The following SIAH1 variants were observed in gnomAD, a reference collection of about 807,000 sequenced individuals.
SIAH1 encodes the protein E3 ubiquitin-protein ligase SIAH1.
A neutral mutation model predicts 20.0 loss-of-function variants in SIAH1; 2 were observed. The ratio of observed to expected loss-of-function variants is 0.10; its 90% CI spans 0.04 to 0.31. SIAH1 has a LOEUF of 0.31. Among genes scored for constraint, SIAH1 ranks in the 10% least tolerant of loss-of-function variants. The pLI is 1.00. For synonymous variants in SIAH1, 118 were observed against 125.3 expected, an observed-to-expected ratio of 0.94 and a Z score of 0.39; for missense variants, 119 against 355.3, an observed-to-expected ratio of 0.33 and a Z score of 5.35.
chr16:48,377,766 A>C (rs1961151387), intron 1 of SIAH1, among the ~76,000 whole-genome samples: 1 of 152,056 alleles, frequency 6.6e-6, no homozygotes, highest in Non-Finnish European at 1.5e-5. Flanking sequence ...ATGGTCAGGG[A>C]AAAGAATAAG....
At chr16:48,378,703 C>T (rs567041988) in intron 1 of SIAH1, among the ~76,000 whole-genome samples, 1 of 152,312 alleles carries the variant, frequency 6.6e-6, no homozygotes, top group African/African-American at 2.4e-5. Flanking sequence ...TAACACTTCA[C>T]AGCATCTCTC....
chr16:48,379,387 C>T (rs1424025651), intron 1 of SIAH1, among the ~76,000 whole-genome samples: 1 of 152,110 alleles, frequency 6.6e-6, no homozygotes, highest in Non-Finnish European at 1.5e-5. Flanking sequence ...ACCAAAGGCA[C>T]AGAGATGCTA....
chr16:48,382,296 G>C (rs1310846936), intron 1 of SIAH1, among the ~76,000 whole-genome samples: 2 of 152,038 alleles, frequency 1.3e-5, no homozygotes, highest in African/African-American at 4.8e-5. Context: ...CTAAGGTGGG[G>C]GGAACCTTTG....
At chr16:48,370,513 A>T (rs1253472809) in intron 1 of SIAH1, among the ~76,000 whole-genome samples, 1 of 151,914 alleles carries the variant, frequency 6.6e-6, no homozygotes, top group Non-Finnish European at 1.5e-5. Flanking sequence ...ATTTATCCCC[A>T]CCTTACTTAA....
upstream of SIAH1, chr16:48,387,223 C>T (rs564215483): frequency 3.9e-5 from 6 of 152,206 alleles, no homozygotes; most frequent in Non-Finnish European, 7.3e-5. Context: ...TTTGTGCCTG[C>T]TCTCCTCTAG....
intron 1 of SIAH1, chr16:48,363,421 G>A (rs1960688480): frequency 6.0e-6 from 1 of 167,044 alleles, no homozygotes; most frequent in East Asian, 1.9e-4. Flanking sequence ...TAGTGAAGGT[G>A]GCGAAAATAT....
At chr16:48,363,823 T>A (rs1960713207) in intron 1 of SIAH1, 2 of 166,832 alleles carry the variant, frequency 1.2e-5, no homozygotes, top group African/African-American at 2.4e-5. Flanking sequence ...ACAAGCAACT[T>A]TTCCCAGGAA....
At chr16:48,372,576 A>G (rs1279442496) in intron 1 of SIAH1, among the ~76,000 whole-genome samples, 1 of 152,176 alleles carries the variant, frequency 6.6e-6, no homozygotes, top group Non-Finnish European at 1.5e-5. Context: ...AGTTGGTCCT[A>G]TTTTCTCTAC....
intron 1 of SIAH1, among the ~76,000 whole-genome samples, chr16:48,375,551 T>C (rs1007764095): frequency 6.6e-6 from 1 of 152,040 alleles, no homozygotes; most frequent in Non-Finnish European, 1.5e-5. Context: ...GGCAAGAGAA[T>C]TGCTTGAACG....
At chr16:48,365,758 C>T in intron 1 of SIAH1, 1 of 1,349,010 alleles carries the variant, frequency 7.4e-7, no homozygotes, top group Non-Finnish European at 9.5e-7. Context: ...TTTCGTCTGT[C>T]TCCCAAGTTT....
chr16:48,373,297 CCA>C (rs1208708316), intron 1 of SIAH1, among the ~76,000 whole-genome samples: 2 of 152,156 alleles, frequency 1.3e-5, no homozygotes, highest in African/African-American at 4.8e-5. Context: ...GTCTGAAACC[CCA>C]GATTTGTAAA....
chr16:48,377,695 C>T (rs1373159622), intron 1 of SIAH1, among the ~76,000 whole-genome samples: 2 of 151,970 alleles, frequency 1.3e-5, no homozygotes, highest in Non-Finnish European at 2.9e-5. Flanking sequence ...CACGCTGAGC[C>T]TCCTGAAGAT....
chr16:48,379,349 G>C (rs1755947799), intron 1 of SIAH1, among the ~76,000 whole-genome samples: 1 of 152,172 alleles, frequency 6.6e-6, no homozygotes, highest in Admixed American at 6.5e-5. Flanking sequence ...AGCACAAATA[G>C]ACATTTCAGA....
In SIAH1 at chr16:48,361,558, C is replaced by A. The variant is rs373081174; in HGVS notation, c.*22G>T. On this transcript the variant is annotated 3_prime_UTR_variant, in exon 2 of 2. Coordinates refer to ENST00000394725, the MANE Select transcript of SIAH1 (RefSeq NM_003031.4). ...TGAAACTGAAGTTTTAAACACTGGC[C>A]AGAAAATGTTTGATTGCCATTTCAA... 97 of 1,606,858 alleles carry A rather than the reference C, an allele frequency of 6.0e-5. No individual in the cohort carries two copies. Among genetic ancestry groups the A allele is most frequent in the Non-Finnish European group, 8.2e-5 (96 of 1,177,108 alleles).
Position 48,362,694 on chromosome 16 carries a change from A to C in SIAH1, c.-2-264T>G. On this transcript the variant is annotated intron_variant, in intron 1 of 1. Transcript: ENST00000394725. The surrounding 1 kb of genome is among the most constrained non-coding windows in gnomAD (Gnocchi z 4.2). ...AACTCCCTTAATCGTCTTTGGATAG[A>C]CTACATAGAATAATAAATGCTAAAA... 2.7e-6 allele frequency: 1 copy of C among 369,322 alleles called. No individual in the cohort carries two copies. Among genetic ancestry groups the C allele is most frequent in the Non-Finnish European group, 5.2e-6 (1 of 193,830 alleles). The allele number at this position is 369,322 out of a possible 1,614,324, so 22.9% of individuals were successfully genotyped here.
upstream of SIAH1, among the ~76,000 whole-genome samples, chr16:48,386,641 C>T (rs1206118555): frequency 6.6e-6 from 1 of 152,226 alleles, no homozygotes; most frequent in Non-Finnish European, 1.5e-5. Context: ...TGCAATTTTA[C>T]TTTCACATTT....
At position 48,362,322 on chromosome 16, in the gene SIAH1, G is replaced by A; in HGVS notation, c.107C>T (p.Ala36Val). ...TGTTASNNDL[A>V]SLFECPVCFD... ...GCAGACTGGACACTCAAAAAGACTC[G>A]CCAAGTCATTGTTGGATGCAGTTGT... is the stretch of plus-strand genomic sequence containing the variant. Residue 36 changes from alanine (A) to valine (V), a missense_variant, in exon 2 of 2, where the codon GCG (alanine) becomes GTG (valine). By Grantham distance (64) the Ala-to-Val change is moderately conservative. Coordinates refer to ENST00000394725, the MANE Select transcript of SIAH1 (RefSeq NM_003031.4). This position sits in a 1 kb window ranked among gnomAD's most constrained non-coding sequence, Gnocchi z 4.2. 1.2e-6 allele frequency: 2 copies of A among 1,614,172 alleles called. No homozygotes were observed. Among genetic ancestry groups the A allele is most frequent in the Non-Finnish European group, 8.5e-7 (1 of 1,180,030 alleles).
chr16:48,379,531 G>A (rs1211667958), intron 1 of SIAH1, among the ~76,000 whole-genome samples: 1 of 152,182 alleles, frequency 6.6e-6, no homozygotes. Flanking sequence ...AAGGCTAGAA[G>A]AGTTTAATAA....
intron 1 of SIAH1, among the ~76,000 whole-genome samples, chr16:48,368,182 A>C (rs2151048685): frequency 6.6e-6 from 1 of 152,378 alleles, no homozygotes; most frequent in Non-Finnish European, 1.5e-5. Flanking sequence ...AGTTACAAAT[A>C]GAACACAGAC....
Sources: gnomAD v4.1 joint callset for allele counts (sites outside exome capture counted in the v4.1 genomes callset) on GRCh38, gnomAD v4.1.1 for gene constraint, Gnocchi (gnomAD v3.1) non-coding constraint, MANE v1.5 for transcripts, NCBI Gene and HGNC (gene_info 2026-07-23, HGNC 2026-07-21) for gene names.